Variants in NAALADL2 observed in about 807,000 individuals in gnomAD.
NAALADL2 encodes inactive N-acetylated-alpha-linked acidic dipeptidase-like protein 2.
A neutral mutation model predicts 87.2 loss-of-function variants in NAALADL2; 76 were observed. The ratio of observed to expected loss-of-function variants is 0.87; its 90% CI spans 0.72 to 1.05. NAALADL2 has a LOEUF of 1.05. Among genes scored for constraint, NAALADL2 ranks in the 50% least tolerant of loss-of-function variants. The probability of loss-of-function intolerance (pLI) is 0.00; values close to 1 mark genes in which losing one functional copy is unlikely to be tolerated. For synonymous variants in NAALADL2, 354 were observed against 331.0 expected (o/e 1.07, Z -0.75); for missense variants, 1,089 against 945.8 (o/e 1.15, Z -1.99).
At chr3:174,890,686 C>A (rs981927335) in intron 1 of NAALADL2, among the ~76,000 whole-genome samples, 1 of 152,044 alleles carries the variant, frequency 6.6e-6, no homozygotes, top group Non-Finnish European at 1.5e-5. Context: ...AGTGTGAGAA[C>A]CTTTATATTC....
chr3:175,438,990 A>T (rs966184667), intron 5 of NAALADL2, among the ~76,000 whole-genome samples: 2 of 152,048 alleles, frequency 1.3e-5, no homozygotes, highest in African/African-American at 4.8e-5. Context: ...GTAGTCTTTT[A>T]TCCCTCACCC....
chr3:175,607,033 T>G (rs757973809), intron 10 of NAALADL2, among the ~76,000 whole-genome samples: 3 of 152,176 alleles, frequency 2.0e-5, no homozygotes, highest in Non-Finnish European at 4.4e-5. Context: ...CTGCAGCTCA[T>G]TCAATGAATG....
chr3:175,413,916 C>G (rs902792985), intron 5 of NAALADL2, among the ~76,000 whole-genome samples: 5 of 152,064 alleles, frequency 3.3e-5, no homozygotes, highest in Non-Finnish European at 7.4e-5. Context: ...GTTGTTGTCC[C>G]CATTTAGAAC....
At chr3:174,918,560 G>A (rs1028004912) in intron 1 of NAALADL2, among the ~76,000 whole-genome samples, 3 of 152,084 alleles carry the variant, frequency 2.0e-5, no homozygotes, top group Admixed American at 6.6e-5. Context: ...AGGATCTGGC[G>A]GTTGATTGGC....
At chr3:175,506,066 C>T (rs761914790) in intron 9 of NAALADL2, among the ~76,000 whole-genome samples, 2 of 152,170 alleles carry the variant, frequency 1.3e-5, no homozygotes, top group Non-Finnish European at 2.9e-5. Flanking sequence ...CTACTGCCAT[C>T]ATTACCTTTT....
At chr3:175,064,061 G>T (rs1174621043) in intron 1 of NAALADL2, among the ~76,000 whole-genome samples, 2 of 151,866 alleles carry the variant, frequency 1.3e-5, no homozygotes, top group Non-Finnish European at 2.9e-5. Context: ...CAGGAACCAG[G>T]TTCATCCCAG....
intron 12 of NAALADL2, among the ~76,000 whole-genome samples, chr3:175,744,758 C>G (rs936366010): frequency 2.9e-4 from 44 of 152,132 alleles, no homozygotes; most frequent in Non-Finnish European, 5.0e-4. Flanking sequence ...TAATGGAAAC[C>G]ACTTATCAAT....
At position 175,582,016 on chromosome 3, in the gene NAALADL2, C is replaced by T. The variant is rs528836399; in HGVS notation, c.1800+5829C>T. On this transcript the variant is annotated intron_variant, in intron 10 of 13. Coordinates refer to ENST00000454872, the MANE Select transcript of NAALADL2 (RefSeq NM_207015.3). ...AACACTGTCATAAACTGTGCTTCTA[C>T]AAAGAATTCTGCTTCTTAAAGGCAT... Among the ~76,000 whole-genome samples, 4 of 152,216 alleles carry T rather than the reference C, an allele frequency of 2.6e-5. No homozygotes were observed. The South Asian group carries it at 8.3e-4, about 32-fold the overall frequency.
At chr3:174,480,511 A>G (rs762592555) in intron 1 of NAALADL2, among the ~76,000 whole-genome samples, 4 of 151,952 alleles carry the variant, frequency 2.6e-5, no homozygotes, top group Non-Finnish European at 5.9e-5. Flanking sequence ...AATACTATAT[A>G]TGATTTTACT....
intron 5 of NAALADL2, among the ~76,000 whole-genome samples, chr3:175,380,786 G>A (rs1767696113): frequency 6.6e-6 from 1 of 152,060 alleles, no homozygotes; most frequent in Admixed American, 6.5e-5. Context: ...TTAACTACAT[G>A]TCTTTGCCTA....
At position 174,748,341 on chromosome 3, in the gene NAALADL2, T is replaced by TA. The variant is rs1257601483; in HGVS notation, c.-9+10595_-9+10596insA. On this transcript the variant is annotated intron_variant, in intron 3 of 3. Transcript: ENST00000434257. ...AATAAATTACATTTTTTTTTTTTTTTTAAAAAGAGGCCACTAGAAGGTGGC... is the reference window on the plus strand; with the variant it reads ...AATAAATTACATTTTTTTTTTTTTTTATAAAAAGAGGCCACTAGAAGGTGGC... 5.9e-4 allele frequency among the ~76,000 whole-genome samples: 82 copies of TA among 138,322 alleles called. 1 individual carries two copies. Among genetic ancestry groups the TA allele is most frequent in the Admixed American group, 1.9e-3 (26 of 13,532 alleles). The allele number at this position is 138,322 out of a possible 152,430, so 90.7% of individuals were successfully genotyped here. A position where few individuals can be genotyped will look rare whatever the true frequency, so the allele number is the denominator to read the frequency against.
At position 175,175,951 on chromosome 3, in the gene NAALADL2, T is replaced by C. The variant is rs144932941; in HGVS notation, c.546-57980T>C. The stretch of plus-strand genomic sequence containing the variant: ...TACCATCTTTTTGTATTCAGGCAGT[T>C]ATTTATGTGCTAGAAAATATACATT... On this transcript the variant is annotated intron_variant, in intron 2 of 13. Transcript: ENST00000454872. 3.7e-4 allele frequency among the ~76,000 whole-genome samples: 56 copies of C among 152,254 alleles called. No homozygotes were observed. The Middle Eastern group carries it at 0.02, about 55-fold the overall frequency.
At chr3:175,703,197 T>C (rs1466326466) in intron 11 of NAALADL2, among the ~76,000 whole-genome samples, 1 of 152,198 alleles carries the variant, frequency 6.6e-6, no homozygotes, top group African/African-American at 2.4e-5. Flanking sequence ...TCTTGATTTT[T>C]CCAGCTTGTG....
At chr3:174,574,931 T>C (rs879792281) in intron 2 of NAALADL2, among the ~76,000 whole-genome samples, 5 of 152,130 alleles carry the variant, frequency 3.3e-5, no homozygotes, top group Admixed American at 3.3e-4. Context: ...TAAATATCTA[T>C]ATTATTTCCA....
chr3:175,404,231 C>T (rs1287096943), intron 5 of NAALADL2, among the ~76,000 whole-genome samples: 2 of 152,054 alleles, frequency 1.3e-5, no homozygotes, highest in African/African-American at 4.8e-5. Context: ...GGATTCTGAT[C>T]CTCATCAGTT....
intron 1 of NAALADL2, among the ~76,000 whole-genome samples, chr3:174,964,347 A>G (rs1742567050): frequency 6.6e-6 from 1 of 152,074 alleles, no homozygotes. Context: ...AGATATCTAC[A>G]TGGGAATGTT....
chr3:175,633,982 G>T (rs1728164207), intron 11 of NAALADL2, among the ~76,000 whole-genome samples: 1 of 151,776 alleles, frequency 6.6e-6, no homozygotes, highest in Non-Finnish European at 1.5e-5. Flanking sequence ...GTGTCACAGT[G>T]ATATTAAGTT....
At chr3:175,086,466 T>A (rs1317361508) in intron 1 of NAALADL2, among the ~76,000 whole-genome samples, 4 of 152,054 alleles carry the variant, frequency 2.6e-5, no homozygotes, top group African/African-American at 9.7e-5. Context: ...GATAAAGTAA[T>A]AATATTTGAC....
chr3:175,212,125 C>T (rs1227057483), intron 2 of NAALADL2, among the ~76,000 whole-genome samples: 1 of 151,856 alleles, frequency 6.6e-6, no homozygotes, highest in African/African-American at 2.4e-5. Flanking sequence ...AAAATAATAG[C>T]AGTAAAAGTA....
Sources: allele counts gnomAD v4.1 joint callset (sites outside exome capture counted in the v4.1 genomes callset), GRCh38; gene constraint gnomAD v4.1.1; transcripts MANE v1.5; gene names NCBI Gene and HGNC (gene_info 2026-07-23, HGNC 2026-07-21).